Variants in ARHGAP42 observed in about 807,000 individuals in gnomAD.
ARHGAP42 encodes the protein rho GTPase-activating protein 42.
Under a neutral mutation model 125.0 loss-of-function variants are expected in ARHGAP42, and 63 were observed. The ratio of observed to expected loss-of-function variants is 0.50; its 90% CI spans 0.41 to 0.62. ARHGAP42 has a LOEUF of 0.62. Among genes scored for constraint, ARHGAP42 ranks in the 20% least tolerant of loss-of-function variants. The pLI, the probability that ARHGAP42 is intolerant of heterozygous loss-of-function variation, is 0.00. For synonymous variants in ARHGAP42, 339 were observed against 351.0 expected (o/e 0.97, Z 0.38); for missense variants, 766 against 1,024.2 (o/e 0.75, Z 3.44).
chr11:100,791,515 C>T (rs1422612493), intron 2 of ARHGAP42, among the ~76,000 whole-genome samples: 1 of 151,774 alleles, frequency 6.6e-6, no homozygotes, highest in Non-Finnish European at 1.5e-5. Flanking sequence ...GCCACTGTTA[C>T]TAACTCATAA....
intron 4 of ARHGAP42, among the ~76,000 whole-genome samples, chr11:100,906,840 A>G (rs1275472110): frequency 1.3e-5 from 2 of 152,060 alleles, no homozygotes; most frequent in East Asian, 1.9e-4. Context: ...AACACTTATT[A>G]TTTCTCTCTA....
chr11:100,859,626 G>A lies in ARHGAP42; in HGVS notation c.384+1G>A. ...AAAAGAACAGATAGGTGCAGCAAAA[G>A]TAAGTGTTACATTTTATTATTCTTC... On this transcript the variant is annotated splice_donor_variant, in intron 4 of 23. Coordinates refer to ENST00000298815, the MANE Select transcript of ARHGAP42 (RefSeq NM_152432.4). LOFTEE classifies it high-confidence loss of function. The A allele has an allele frequency of 6.7e-7, 1 of 1,482,448 alleles. No homozygotes were observed. Among genetic ancestry groups the A allele is most frequent in the Non-Finnish European group, 9.0e-7 (1 of 1,114,432 alleles). The allele number at this position is 1,482,448 out of a possible 1,614,324, so 91.8% of individuals were successfully genotyped here.
intron 3 of ARHGAP42, among the ~76,000 whole-genome samples, chr11:100,820,933 C>T (rs1864390154): frequency 6.7e-6 from 1 of 149,282 alleles, no homozygotes; most frequent in African/African-American, 2.5e-5. Flanking sequence ...TTTAAATTAA[C>T]TGTGGGTCAT....
At chr11:100,950,919 T>C (rs1857633923) in intron 12 of ARHGAP42, among the ~76,000 whole-genome samples, 2 of 152,096 alleles carry the variant, frequency 1.3e-5, no homozygotes, top group African/African-American at 4.8e-5. Context: ...TCTCATTTTG[T>C]TGTCCAGCCT....
intron 17 of ARHGAP42, among the ~76,000 whole-genome samples, chr11:100,969,451 T>A (rs1310824676): frequency 6.6e-6 from 1 of 152,150 alleles, no homozygotes; most frequent in African/African-American, 2.4e-5. Flanking sequence ...TTTTTTCTAC[T>A]TCTCTCTTTC....
chr11:100,958,192 A>G (rs190647110), intron 12 of ARHGAP42, among the ~76,000 whole-genome samples: 1 of 152,142 alleles, frequency 6.6e-6, no homozygotes, highest in East Asian at 1.9e-4. Flanking sequence ...CCTGTCTCCT[A>G]TATTCAAAAA....
intron 3 of ARHGAP42, among the ~76,000 whole-genome samples, chr11:100,847,859 G>A (rs1865106582): frequency 6.6e-6 from 1 of 152,114 alleles, no homozygotes; most frequent in Admixed American, 6.6e-5. Flanking sequence ...AAGAAGCTTG[G>A]CAGAAACATC....
chr11:100,753,689 A>G (rs917106772), intron 1 of ARHGAP42, among the ~76,000 whole-genome samples: 14 of 152,198 alleles, frequency 9.2e-5, no homozygotes, highest in African/African-American at 3.4e-4. Context: ...AAGTGCGTGC[A>G]AGGCTCTTCT....
intron 3 of ARHGAP42, among the ~76,000 whole-genome samples, chr11:100,840,161 A>T (rs989527062): frequency 2.6e-5 from 4 of 152,148 alleles, no homozygotes; most frequent in African/African-American, 9.7e-5. Context: ...TGCCCTCCAT[A>T]TTCTTTTAAA....
At chr11:100,760,020 G>T (rs548034896) in intron 1 of ARHGAP42, among the ~76,000 whole-genome samples, 1 of 152,262 alleles carries the variant, frequency 6.6e-6, no homozygotes, top group African/African-American at 2.4e-5. Context: ...CTAGAAACTG[G>T]CAAGTTTTAA....
chr11:100,955,903 G>A (rs1379551768), intron 12 of ARHGAP42, among the ~76,000 whole-genome samples: 1 of 152,066 alleles, frequency 6.6e-6, no homozygotes, highest in Non-Finnish European at 1.5e-5. Context: ...CCCCTACTTG[G>A]CTTTGGAAAA....
chr11:100,886,221 C>T (rs1293848221), intron 4 of ARHGAP42, among the ~76,000 whole-genome samples: 1 of 152,106 alleles, frequency 6.6e-6, no homozygotes, highest in Non-Finnish European at 1.5e-5. Context: ...GAAGTATTAT[C>T]TAATTGTTAG....
At chr11:100,723,147 C>G (rs1021167353) in intron 1 of ARHGAP42, among the ~76,000 whole-genome samples, 2 of 152,056 alleles carry the variant, frequency 1.3e-5, no homozygotes, top group African/African-American at 2.4e-5. Context: ...GTCTATTTTT[C>G]TATTCTTTTA....
chr11:100,771,837 T>A (rs1478352900), intron 2 of ARHGAP42, among the ~76,000 whole-genome samples: 1 of 152,124 alleles, frequency 6.6e-6, no homozygotes, highest in Admixed American at 6.5e-5. Context: ...CCTGACCTTG[T>A]GATCCACCCG....
chr11:100,693,931 CTTTT>C (rs769084883), intron 1 of ARHGAP42, among the ~76,000 whole-genome samples: 11 of 150,768 alleles, frequency 7.3e-5, no homozygotes, highest in Non-Finnish European at 1.6e-4. Flanking sequence ...GGATTGCTTT[CTTTT>C]CTTTCTTTTT....
intron 22 of ARHGAP42, among the ~76,000 whole-genome samples, chr11:100,979,770 A>G (rs1473852655): frequency 6.6e-6 from 1 of 152,094 alleles, no homozygotes; most frequent in Non-Finnish European, 1.5e-5. Flanking sequence ...GAAAGAGCAT[A>G]TAAATGTGAG....
At chr11:100,815,451 C>T (rs557541232) in intron 3 of ARHGAP42, among the ~76,000 whole-genome samples, 7 of 152,258 alleles carry the variant, frequency 4.6e-5, no homozygotes, top group African/African-American at 1.4e-4. Flanking sequence ...ATGCTCTATT[C>T]TGTATAACTT....
intron 3 of ARHGAP42, among the ~76,000 whole-genome samples, chr11:100,808,345 A>G (rs886274707): frequency 5.9e-5 from 9 of 152,216 alleles, no homozygotes; most frequent in Non-Finnish European, 1.3e-4. Flanking sequence ...AGAAAGGGCA[A>G]CAAAAGCTTT....
chr11:100,721,548 C>T (rs1437731633), intron 1 of ARHGAP42, among the ~76,000 whole-genome samples: 2 of 151,772 alleles, frequency 1.3e-5, no homozygotes, highest in Non-Finnish European at 2.9e-5. Flanking sequence ...TCTTGGCTCA[C>T]TGCAACCTCT....
Sources: gnomAD v4.1 joint callset for allele counts (sites outside exome capture counted in the v4.1 genomes callset) on GRCh38, gnomAD v4.1.1 for gene constraint, MANE v1.5 for transcripts, NCBI Gene and HGNC (gene_info 2026-07-23, HGNC 2026-07-21) for gene names.